Variants in FRMD3 observed in about 807,000 individuals in gnomAD.
FRMD3 encodes the protein FERM domain containing 3, also known as FERM domain-containing protein 3.
FRMD3 carries 33 observed loss-of-function variants against 70.2 expected under a neutral mutation model. The observed-to-expected ratio is 0.47, with a 90% CI of 0.36 to 0.63. FRMD3 has a LOEUF of 0.63. Among genes scored for constraint, FRMD3 ranks in the 20% least tolerant of loss-of-function variants. The pLI is 0.00. For missense variants in FRMD3, 632 were observed against 711.4 expected (o/e 0.89, Z 1.27); for synonymous variants, 279 against 255.9 (o/e 1.09, Z -0.86).
chr9:83,564,443 T>C, the FRMD3 span, among the ~76,000 whole-genome samples: 4 of 152,182 alleles, frequency 2.6e-5, no homozygotes, highest in African/African-American at 9.7e-5. Flanking sequence ...GTTTGCATAT[T>C]TACGTGAATA....
chr9:83,291,277 C>T (rs10867975), intron 12 of FRMD3, among the ~76,000 whole-genome samples: 85,286 of 152,118 alleles, frequency 0.56, 25,250 homozygotes, highest in South Asian at 0.78. Flanking sequence ...TCTGTTTTCT[C>T]CTCTGGAAAG....
rs574782981 is a variant in FRMD3, at chr9:83,423,995, C to T, written c.148-34287G>A. On this transcript the variant is annotated intron_variant, in intron 1 of 13. Transcript: ENST00000304195. ...TCTCTATCATCACAGAAAGTTCTAT[C>T]GGACCATGCCAGTCAAGAGTAAATC... 1.6e-3 allele frequency among the ~76,000 whole-genome samples: 248 copies of T among 152,292 alleles called. 1 individual carries two copies. Among genetic ancestry groups the T allele is most frequent in the African/African-American group, 5.2e-3 (217 of 41,546 alleles).
At chr9:83,546,060 C>CAA in the FRMD3 span, among the ~76,000 whole-genome samples, 7 of 95,814 alleles carry the variant, frequency 7.3e-5, no homozygotes, top group South Asian at 3.5e-4. Flanking sequence ...TTTCAGTCTT[C>CAA]AAAAAAAAAA....
At chr9:83,431,346 T>C (rs569959889) in intron 1 of FRMD3, among the ~76,000 whole-genome samples, 1 of 152,390 alleles carries the variant, frequency 6.6e-6, no homozygotes, top group East Asian at 1.9e-4. Context: ...TTTATTCTCC[T>C]ACATTTTCAG....
At chr9:83,548,011 CAAT>C in the FRMD3 span, among the ~76,000 whole-genome samples, 16 of 152,216 alleles carry the variant, frequency 1.1e-4, no homozygotes, top group South Asian at 1.9e-3. Context: ...ATTAAAACAA[CAAT>C]GAGATACTGT....
intron 9 of FRMD3, among the ~76,000 whole-genome samples, chr9:83,310,235 C>T (rs550090433): frequency 2.4e-4 from 37 of 152,110 alleles, no homozygotes; most frequent in Non-Finnish European, 4.7e-4. Context: ...CTTTTATTTC[C>T]AAAGTCTATC....
At chr9:83,474,335 C>G (rs902303413) in intron 1 of FRMD3, among the ~76,000 whole-genome samples, 3 of 152,108 alleles carry the variant, frequency 2.0e-5, no homozygotes, top group African/African-American at 7.2e-5. Flanking sequence ...TTTATTTAAC[C>G]CTGTTCCCTG....
At chr9:83,269,721 T>C (rs752223665) in intron 13 of FRMD3, among the ~76,000 whole-genome samples, 2 of 152,070 alleles carry the variant, frequency 1.3e-5, no homozygotes, top group African/African-American at 4.8e-5. Context: ...AAAACAAAAG[T>C]ATTATTATTA....
chr9:83,546,427 G>T, the FRMD3 span, among the ~76,000 whole-genome samples: 4 of 152,120 alleles, frequency 2.6e-5, no homozygotes, highest in Admixed American at 1.3e-4. Flanking sequence ...CTTCATAAAT[G>T]AAGGAGAAAT....
chr9:83,538,481 C>G, upstream of FRMD3: 1 of 336,364 alleles, frequency 3.0e-6, no homozygotes, highest in Non-Finnish European at 5.4e-6. The surrounding 1 kb of genome is among the most constrained non-coding windows in gnomAD (Gnocchi z 4.7). Flanking sequence ...CGCGCTCGTG[C>G]GCCTCCCTCT....
intron 1 of FRMD3, among the ~76,000 whole-genome samples, chr9:83,461,586 T>C (rs1273439103): frequency 6.8e-6 from 1 of 146,664 alleles, no homozygotes; most frequent in African/African-American, 2.5e-5. Flanking sequence ...AAAAGCAGCA[T>C]ATGAAAAGGC....
In FRMD3 at chr9:83,438,342, G is replaced by A. The variant is rs534556410; in HGVS notation, c.148-48634C>T. On this transcript the variant is annotated intron_variant, in intron 1 of 13. Coordinates refer to ENST00000304195, the MANE Select transcript of FRMD3 (RefSeq NM_174938.6). ...ACGGATGATGTCCTAAATAGGTCTC[G>A]ACACGGTATTTAGGGAGAGTCACAA... Among the ~76,000 whole-genome samples the A allele has an allele frequency of 7.2e-5, 11 of 152,236 alleles. No homozygotes were observed. In the East Asian group the frequency reaches 1.5e-3, roughly 21 times the overall value.
At chr9:83,524,971 A>T (rs1364978055) in intron 1 of FRMD3, among the ~76,000 whole-genome samples, 1 of 152,188 alleles carries the variant, frequency 6.6e-6, no homozygotes, top group Non-Finnish European at 1.5e-5. Context: ...AACATCAAGG[A>T]AGAATTATTA....
intron 10 of FRMD3, among the ~76,000 whole-genome samples, chr9:83,305,745 A>T (rs902964162): frequency 1.3e-5 from 2 of 152,220 alleles, no homozygotes; most frequent in Non-Finnish European, 2.9e-5. Flanking sequence ...CAAATCTCAG[A>T]CGGCTATAAA....
At chr9:83,295,298 A>G (rs558554913) in intron 12 of FRMD3, among the ~76,000 whole-genome samples, 1 of 152,318 alleles carries the variant, frequency 6.6e-6, no homozygotes, top group Admixed American at 6.5e-5. Context: ...AAAGATGCTT[A>G]TATAGGCAGA....
At chr9:83,419,526 T>C (rs55816152) in intron 1 of FRMD3, among the ~76,000 whole-genome samples, 33,696 of 151,028 alleles carry the variant, frequency 0.22, 3,879 homozygotes, top group Non-Finnish European at 0.27. Context: ...GTGATATGTG[T>C]TCATGTGTGC....
chr9:83,380,774 T>C (rs1481724022), intron 2 of FRMD3, among the ~76,000 whole-genome samples: 1 of 152,256 alleles, frequency 6.6e-6, no homozygotes, highest in Non-Finnish European at 1.5e-5. Flanking sequence ...CTCTGTTTAC[T>C]TTCTCAAAGC....
intron 3 of FRMD3, among the ~76,000 whole-genome samples, chr9:83,371,710 G>A (rs1033591696): frequency 1.3e-5 from 2 of 152,184 alleles, no homozygotes; most frequent in Non-Finnish European, 2.9e-5. Context: ...TGCTCCAGCA[G>A]CCTGGCCTCC....
intron 1 of FRMD3, among the ~76,000 whole-genome samples, chr9:83,531,012 G>A (rs1829781214): frequency 6.6e-6 from 1 of 152,288 alleles, no homozygotes; most frequent in Non-Finnish European, 1.5e-5. Context: ...TGTGACCTGG[G>A]AGGTCCCATC....
Sources: gnomAD v4.1 joint callset for allele counts (sites outside exome capture counted in the v4.1 genomes callset) on GRCh38, gnomAD v4.1.1 for gene constraint, Gnocchi (gnomAD v3.1) non-coding constraint, MANE v1.5 for transcripts, NCBI Gene and HGNC (gene_info 2026-07-23, HGNC 2026-07-21) for gene names.